The following MGRN1 variants were observed in gnomAD, a reference collection of about 807,000 sequenced individuals.
MGRN1 encodes mahogunin ring finger 1.
A neutral mutation model predicts 69.2 loss-of-function variants in MGRN1; 29 were observed. The ratio of observed to expected loss-of-function variants is 0.42; its 90% confidence interval spans 0.31 to 0.57. The LOEUF (loss-of-function observed/expected upper bound fraction) is 0.57, where lower values mean the gene tolerates loss of function less well. Among genes scored for constraint, MGRN1 ranks in the 20% least tolerant of loss-of-function variants. The probability of loss-of-function intolerance (pLI) is 0.15; values close to 1 mark genes in which losing one functional copy is unlikely to be tolerated. For missense variants in MGRN1, 998 were observed against 796.2 expected, an observed-to-expected ratio of 1.25 and a Z score of -3.05; for synonymous variants, 470 against 344.2, an observed-to-expected ratio of 1.37 and a Z score of -4.04.
intron 1 of MGRN1, among the ~76,000 whole-genome samples, chr16:4,646,723 G>A (rs762302905): frequency 2.0e-5 from 3 of 152,250 alleles, no homozygotes; most frequent in Admixed American, 6.5e-5. Context: ...GAGACATGTC[G>A]GCCGGGAGGT....
At chr16:4,630,438 TTTGTTG>T (rs143122519) in intron 1 of MGRN1, among the ~76,000 whole-genome samples, 10,226 of 151,332 alleles carry the variant, frequency 0.068, 1,154 homozygotes, top group African/African-American at 0.24. Context: ...TTTCTAGCAT[TTTGTTG>T]TTGTTGTTGT....
At position 4,688,865 on chromosome 16, in the gene MGRN1, G is replaced by A. The variant is rs1028316892; in HGVS notation, c.1688G>A (p.Gly563Asp). Residue 563 changes from glycine to aspartate, a missense_variant, in exon 17 of 17, where the codon GGC becomes GAC. Physicochemically the swap from Gly to Asp is moderately conservative, Grantham distance 94. Coordinates refer to ENST00000262370, the MANE Select transcript of MGRN1 (RefSeq NM_015246.4). Reference sequence around the variant, plus strand: ...AGCCCCACCTGGCCTCCACTTGGTGGCCCCAGCCCCGATCCCAGCGCCGCC... The same window carrying A: ...AGCCCCACCTGGCCTCCACTTGGTGACCCCAGCCCCGATCCCAGCGCCGCC... ...TTSPTWPPLGGPSPDPSAAEL... is the reference protein window; with the variant it reads ...TTSPTWPPLGDPSPDPSAAEL... The A allele has an allele frequency of 1.9e-6, 3 of 1,553,998 alleles. No individual in the cohort carries two copies. Among genetic ancestry groups the A allele is most frequent in the African/African-American group, 1.4e-5 (1 of 73,302 alleles).
intron 5 of MGRN1, among the ~76,000 whole-genome samples, chr16:4,662,244 G>C (rs1339968495): frequency 6.6e-6 from 1 of 152,168 alleles, no homozygotes; most frequent in Non-Finnish European, 1.5e-5. Flanking sequence ...GCCGGGCGCG[G>C]TGGCTGACAC....
chr16:4,676,559 G>A (rs1272798087), intron 10 of MGRN1, among the ~76,000 whole-genome samples: 1 of 152,222 alleles, frequency 6.6e-6, no homozygotes, highest in African/African-American at 2.4e-5. Context: ...AGGCGCCCGA[G>A]GGCAGAGACT....
At position 4,657,283 on chromosome 16, in the gene MGRN1, G is replaced by A. The variant is rs758611746; in HGVS notation, c.481G>A (p.Val161Ile). ...PKSPSLQSET[V>I]HYKRGVSQQF... ...GAGCCCCTCGCTACAGTCCGAGACC[G>A]TCCACTACAAGAGAGGGGTGAGCCA... is the stretch of plus-strand genomic sequence containing the variant. Residue 161 changes from valine to isoleucine, a missense_variant, in exon 5 of 17, where the codon GTC (valine) becomes ATC (isoleucine). Physicochemically the swap from Val to Ile is conservative, Grantham distance 29 (BLOSUM62 3). Coordinates refer to ENST00000262370, the MANE Select transcript of MGRN1 (RefSeq NM_015246.4). 2.7e-5 allele frequency: 43 copies of A among 1,613,980 alleles called. No homozygotes were observed. The East Asian group carries it at 3.6e-4, about 13-fold the overall frequency.
In MGRN1 at chr16:4,681,632, T is replaced by A. The variant is rs2079184552; in HGVS notation, c.1214T>A (p.Ile405Asn). 2 of 1,613,348 alleles carry A rather than the reference T, an allele frequency of 1.2e-6. No homozygotes were observed. Among genetic ancestry groups the A allele is most frequent in the Admixed American group, 1.7e-5 (1 of 60,010 alleles). The change falls in exon 13 of 17, where the codon ATC (isoleucine) becomes AAC (asparagine). Residue 405 changes from isoleucine to asparagine, a missense_variant. Coordinates refer to ENST00000262370, the MANE Select transcript of MGRN1 (RefSeq NM_015246.4). ...GGCCTCCGGGCTGTCTCCCCGGCCA[T>A]CCCCTCGGCCCCTCTTTATGAAGAA... The part of the protein sequence containing the change: ...LNGLRAVSPA[I>N]PSAPLYEEIT...
At position 4,680,059 on chromosome 16, in the gene MGRN1, C is replaced by G; in HGVS notation, c.1093C>G (p.Pro365Ala). Residue 365 changes from proline to alanine, a missense_variant, in exon 12 of 17, where the codon CCC (proline) becomes GCC (alanine). Physicochemically the swap from Pro to Ala is conservative, Grantham distance 27. Coordinates refer to ENST00000262370, the MANE Select transcript of MGRN1 (RefSeq NM_015246.4). ...TCCCTTTAAAAAATCAAAGCCGCACCCCGCCTCCCTGGCCAGCAAGAAACC... is the reference window on the plus strand; with the variant it reads ...TCCCTTTAAAAAATCAAAGCCGCACGCCGCCTCCCTGGCCAGCAAGAAACC... ...SCPFKKSKPH[P>A]ASLASKKPKR... 6.2e-7 allele frequency: 1 copy of G among 1,614,102 alleles called. No homozygotes were observed. Among genetic ancestry groups the G allele is most frequent in the Non-Finnish European group, 8.5e-7 (1 of 1,179,982 alleles).
chr16:4,688,269 C>T (rs1023802849), intron 16 of MGRN1: 39 of 985,902 alleles, frequency 4.0e-5, no homozygotes, highest in Middle Eastern at 5.2e-4. Context: ...CGCCCGGCGG[C>T]GTCGTGCAGG....
chr16:4,634,900 G>C (rs1287599405), intron 1 of MGRN1: 1 of 152,238 alleles, frequency 6.6e-6, no homozygotes, highest in African/African-American at 2.4e-5. Flanking sequence ...GCAGAAGGTT[G>C]CATTGGCTCC....
At position 4,680,116 on chromosome 16, in the gene MGRN1, G is replaced by C. The variant is rs371599044; in HGVS notation, c.1131+19G>C. ...GGAAACAGTAAGTGTCTGGTCCTCC[G>C]GCTACGTTTTTTTGCCCCCGCCCTC... is the stretch of plus-strand genomic sequence containing the variant. On this transcript the variant is annotated intron_variant, in intron 12 of 16. Transcript: ENST00000262370. 2 of 1,612,672 alleles carry C rather than the reference G, an allele frequency of 1.2e-6. No homozygotes were observed. The highest frequency in any genetic ancestry group is 2.2e-5 in the East Asian group (1 of 44,830).
At position 4,677,450 on chromosome 16, in the gene MGRN1, C is replaced by A; in HGVS notation, c.956-13C>A. ...GTCGCCTGGGCCTGATCTGAGCCCT[C>A]CTTCTGCCGCAGCTTTCCGGGCCCT... On this transcript the variant is annotated splice_polypyrimidine_tract_variant and intron_variant, in intron 10 of 16. Transcript: ENST00000262370. The A allele has an allele frequency of 1.9e-6, 3 of 1,539,728 alleles. No individual in the cohort carries two copies. The highest frequency in any genetic ancestry group is 1.9e-4 in the Middle Eastern group (1 of 5,332).
chr16:4,676,083 G>T (rs1406638616), intron 10 of MGRN1, among the ~76,000 whole-genome samples: 1 of 152,258 alleles, frequency 6.6e-6, no homozygotes, highest in African/African-American at 2.4e-5. Context: ...CGGGCGTGGG[G>T]CTGTGCGAGG....
At chr16:4,654,957 GATTATATTT>G (rs1304033546) in intron 4 of MGRN1, among the ~76,000 whole-genome samples, 2 of 152,214 alleles carry the variant, frequency 1.3e-5, no homozygotes, top group Non-Finnish European at 2.9e-5. Flanking sequence ...CCCGGCACTT[GATTATATTT>G]CTTTAATGAC....
intron 1 of MGRN1, among the ~76,000 whole-genome samples, chr16:4,647,307 CTGAGGCACGGGGTGCCT>C (rs1270155854): frequency 1.3e-5 from 2 of 152,248 alleles, no homozygotes; most frequent in Non-Finnish European, 2.9e-5. Flanking sequence ...CCACCGTGCC[CTGAGGCACGGGGTGCCT>C]TGTGGCCCCT....
In MGRN1 at chr16:4,638,802, GC is replaced by G. The variant is rs34799545; in HGVS notation, c.89-11559del. ...AGGTGGAATCAGTGAGCTGTTCGGA[GC>G]CCCTGCAGACACCTCGTGGCCTTCC... On this transcript the variant is annotated intron_variant, in intron 1 of 16. Transcript: ENST00000262370. Among the ~76,000 whole-genome samples, 5 of 152,346 alleles carry G rather than the reference GC, an allele frequency of 3.3e-5. No homozygotes were observed. In the East Asian group the frequency reaches 9.6e-4, roughly 29 times the overall value.
At chr16:4,633,626 G>C (rs751497779) in intron 1 of MGRN1, 3 of 151,864 alleles carry the variant, frequency 2.0e-5, no homozygotes, top group Non-Finnish European at 4.4e-5. Context: ...AGGAGGCAGA[G>C]GTTGCAGTGA....
chr16:4,627,622 C>T (rs1158157314), intron 1 of MGRN1, among the ~76,000 whole-genome samples: 3 of 151,280 alleles, frequency 2.0e-5, no homozygotes, highest in African/African-American at 7.3e-5. Context: ...CCCGTCTCTA[C>T]TAAAAATACA....
At chr16:4,671,729 G>A (rs527855256) in intron 9 of MGRN1, among the ~76,000 whole-genome samples, 12 of 152,198 alleles carry the variant, frequency 7.9e-5, no homozygotes, top group Non-Finnish European at 1.5e-4. Context: ...CACCCTCTAG[G>A]CTCAGGTGTG....
At chr16:4,676,887 C>T (rs956048770) in intron 10 of MGRN1, 1 of 152,612 alleles carries the variant, frequency 6.6e-6, no homozygotes, top group Non-Finnish European at 1.5e-5. Flanking sequence ...TGACTCCCCA[C>T]TTCAGCTTCC....
Sources: gnomAD v4.1 joint callset for allele counts (sites outside exome capture counted in the v4.1 genomes callset) on GRCh38, gnomAD v4.1.1 for gene constraint, MANE v1.5 for transcripts, NCBI Gene and HGNC (gene_info 2026-07-23, HGNC 2026-07-21) for gene names.